CDH4: variants seen among roughly 807,000 people sequenced by gnomAD.
CDH4 encodes cadherin-4.
In CDH4, 33 loss-of-function variants were observed where a neutral mutation model predicts 86.0. The ratio of observed to expected loss-of-function variants is 0.38; its 90% CI spans 0.29 to 0.51. The LOEUF is 0.51. Ranked by LOEUF, CDH4 falls within the 20% of genes least tolerant of loss-of-function variation. The probability of loss-of-function intolerance (pLI) is 0.86; values close to 1 mark genes in which losing one functional copy is unlikely to be tolerated. For synonymous variants in CDH4, 555 were observed against 549.4 expected, an observed-to-expected ratio of 1.01 and a Z score of -0.14; for missense variants, 1,114 against 1,307.4, an observed-to-expected ratio of 0.85 and a Z score of 2.28.
chr20:61,940,206 T>TC lies in CDH4; in HGVS notation c.*3263_*3264insC, dbSNP rs2055246959. The stretch of plus-strand genomic sequence containing the variant: ...CAGGCCCAGCGGGGGACCACCTCTC[T>TC]GTACAATTGGAATGCGTTTTACTTT... On this transcript the variant is annotated 3_prime_UTR_variant, in exon 16 of 16. Coordinates refer to ENST00000614565, the MANE Select transcript of CDH4 (RefSeq NM_001794.5). The TC allele has an allele frequency of 6.6e-6, 1 of 152,214 alleles. No homozygotes were observed. The highest frequency in any genetic ancestry group is 2.4e-5 in the African/African-American group (1 of 41,452). 9.4% of individuals were successfully genotyped at this position (152,214 alleles called of 1,614,324 possible).
chr20:61,661,890 G>T (rs1374897649), intron 2 of CDH4, among the ~76,000 whole-genome samples: 1 of 152,124 alleles, frequency 6.6e-6, no homozygotes, highest in Non-Finnish European at 1.5e-5. Flanking sequence ...ACTTGATATT[G>T]TGCCGCGGTC....
chr20:61,431,359 G>GTT (rs34959436), intron 2 of CDH4, among the ~76,000 whole-genome samples: 5,339 of 129,906 alleles, frequency 0.041, 358 homozygotes, highest in African/African-American at 0.14. Context: ...TTTTTTGTTG[G>GTT]TTTTTTTTTT....
At chr20:61,422,797 GGT>G (rs1337649896) in intron 2 of CDH4, among the ~76,000 whole-genome samples, 1 of 152,120 alleles carries the variant, frequency 6.6e-6, no homozygotes, top group Non-Finnish European at 1.5e-5. Context: ...TGGGCATGTG[GGT>G]GTGTCATGTG....
rs557135785 is a variant in CDH4 at position 61,415,982 on chromosome 20, GAGCCACC to G, written c.169+161047_169+161053del. ...CCTAAAGTGCTAGGATTACAGGCGT[GAGCCACC>G]ATGCCTGGCCTCTCCTTCCTTTTTT... On this transcript the variant is annotated intron_variant, in intron 2 of 15. Coordinates refer to ENST00000614565, the MANE Select transcript of CDH4 (RefSeq NM_001794.5). 8.0e-4 allele frequency among the ~76,000 whole-genome samples: 120 copies of G among 150,560 alleles called. 1 individual carries two copies. The highest frequency in any genetic ancestry group is 2.8e-3 in the African/African-American group (116 of 40,828).
At chr20:61,464,546 A>C (rs752806845) in intron 2 of CDH4, among the ~76,000 whole-genome samples, 21 of 152,234 alleles carry the variant, frequency 1.4e-4, no homozygotes, top group Non-Finnish European at 2.9e-4. Flanking sequence ...TGCACGCAGC[A>C]CTTGGTCCCT....
At chr20:61,789,005 T>A (rs1289573304) in intron 4 of CDH4, among the ~76,000 whole-genome samples, 1 of 152,208 alleles carries the variant, frequency 6.6e-6, no homozygotes, top group Non-Finnish European at 1.5e-5. Context: ...AGAGACTTTG[T>A]CCCCGGGGCC....
chr20:61,917,276 AC>A (rs1436395912), intron 9 of CDH4, among the ~76,000 whole-genome samples: 2 of 152,134 alleles, frequency 1.3e-5, no homozygotes, highest in Non-Finnish European at 2.9e-5. Context: ...ACCATCTGTT[AC>A]CATCATACCC....
At chr20:61,547,215 TTTTTTTTTG>T (rs1231784398) in intron 2 of CDH4, among the ~76,000 whole-genome samples, 4 of 94,036 alleles carry the variant, frequency 4.3e-5, no homozygotes, top group African/African-American at 1.6e-4. Context: ...TTTTTTTTTT[TTTTTTTTTG>T]CCCCCTGAGA....
At chr20:61,627,430 C>T (rs2086839114) in intron 2 of CDH4, among the ~76,000 whole-genome samples, 1 of 152,160 alleles carries the variant, frequency 6.6e-6, no homozygotes, top group Non-Finnish European at 1.5e-5. Flanking sequence ...CCTCTGTGCT[C>T]TGTGGGGTGT....
rs191692856 is a variant in CDH4, at chr20:61,429,553, G to A, written c.169+174616G>A. Among the ~76,000 whole-genome samples the A allele has an allele frequency of 1.4e-3, 209 of 152,134 alleles. 1 individual carries two copies. The highest frequency in any genetic ancestry group is 4.7e-3 in the African/African-American group (197 of 41,498). ...TGGGTGGGTGTGTGAGTGGATGGAT[G>A]GATGGGTGGATGGATAGGTGGACAG... On this transcript the variant is annotated intron_variant, in intron 2 of 15. Coordinates refer to ENST00000614565, the MANE Select transcript of CDH4 (RefSeq NM_001794.5).
chr20:61,501,534 G>GC lies in CDH4; in HGVS notation c.170-242024dup, dbSNP rs2085701104. On this transcript the variant is annotated intron_variant, in intron 2 of 15. Coordinates refer to ENST00000614565, the MANE Select transcript of CDH4 (RefSeq NM_001794.5). The surrounding 1 kb of genome is among the most constrained non-coding windows in gnomAD (Gnocchi z 4.2). ...TCAGGAGACGGCTGCTGCCGTCTCT[G>GC]CCCCCTCATCCTTGCTGAATCTCAG... Among the ~76,000 whole-genome samples, 1 of 152,136 alleles carries GC rather than the reference G, an allele frequency of 6.6e-6. No homozygotes were observed. The highest frequency in any genetic ancestry group is 6.5e-5 in the Admixed American group (1 of 15,274).
At chr20:61,893,926 G>A (rs937775302) in intron 7 of CDH4, among the ~76,000 whole-genome samples, 2 of 152,078 alleles carry the variant, frequency 1.3e-5, no homozygotes, top group African/African-American at 2.4e-5. Context: ...AATTCCTTAC[G>A]GAGCCAGTTT....
chr20:61,430,743 C>A (rs1184717352), intron 2 of CDH4, among the ~76,000 whole-genome samples: 1 of 152,208 alleles, frequency 6.6e-6, no homozygotes, highest in African/African-American at 2.4e-5. Flanking sequence ...ACGCATTACA[C>A]CTTCACATTA....
At chr20:61,722,773 A>C (rs1315175719) in intron 2 of CDH4, among the ~76,000 whole-genome samples, 1 of 152,144 alleles carries the variant, frequency 6.6e-6, no homozygotes, top group Non-Finnish European at 1.5e-5. Context: ...ATTTCCAACA[A>C]TGCCTTTCAT....
rs1292096070 is a variant in CDH4, at chr20:61,589,199, A to G, written c.170-154364A>G. Among the ~76,000 whole-genome samples the G allele has an allele frequency of 2.0e-5, 3 of 152,238 alleles. No individual in the cohort carries two copies. In the East Asian group the frequency reaches 5.8e-4, roughly 29 times the overall value. ...CTGATCTCTGATTAACTTTTGCCAAATAGGCTTCCCAGAGTGATGAATGCT... is the reference window on the plus strand; with the variant it reads ...CTGATCTCTGATTAACTTTTGCCAAGTAGGCTTCCCAGAGTGATGAATGCT... On this transcript the variant is annotated intron_variant, in intron 2 of 15. Coordinates refer to ENST00000614565, the MANE Select transcript of CDH4 (RefSeq NM_001794.5).
chr20:61,482,324 T>C (rs2085572574), intron 2 of CDH4, among the ~76,000 whole-genome samples: 1 of 152,232 alleles, frequency 6.6e-6, no homozygotes, highest in Admixed American at 6.5e-5. Flanking sequence ...CATAAGGTAA[T>C]TCTTATGAAA....
At chr20:61,376,567 G>A (rs2145441102) in intron 2 of CDH4, among the ~76,000 whole-genome samples, 1 of 152,292 alleles carries the variant, frequency 6.6e-6, no homozygotes, top group Non-Finnish European at 1.5e-5. Context: ...ATGCTGGAAG[G>A]GCTCTTACTC....
intron 5 of CDH4, among the ~76,000 whole-genome samples, chr20:61,847,912 T>C (rs1982532969): frequency 6.6e-6 from 1 of 152,158 alleles, no homozygotes; most frequent in Non-Finnish European, 1.5e-5. Context: ...TCCACCCCCA[T>C]GATCCAAACA....
intron 2 of CDH4, among the ~76,000 whole-genome samples, chr20:61,672,094 T>C (rs926008076): frequency 3.3e-4 from 38 of 114,068 alleles, no homozygotes; most frequent in Non-Finnish European, 5.6e-4. Flanking sequence ...GGTGGGTGGG[T>C]AGGTGGTTGG....
Sources: gnomAD v4.1 joint callset for allele counts (sites outside exome capture counted in the v4.1 genomes callset) on GRCh38, gnomAD v4.1.1 for gene constraint, Gnocchi (gnomAD v3.1) non-coding constraint, MANE v1.5 for transcripts, NCBI Gene and HGNC (gene_info 2026-07-23, HGNC 2026-07-21) for gene names.